Variants in UTRN observed in about 807,000 individuals in gnomAD.
The protein encoded by UTRN is dystrophin-related protein 1.
Under a neutral mutation model 463.9 loss-of-function variants are expected in UTRN, and 283 were observed. The observed-to-expected ratio is 0.61, with a 90% CI of 0.55 to 0.67. The LOEUF (loss-of-function observed/expected upper bound fraction) is 0.67. Ranked by LOEUF, UTRN falls within the 30% of genes least tolerant of loss-of-function variation. UTRN has a pLI of 0.00. For missense variants in UTRN, 3,922 were observed against 4,084.3 expected, an observed-to-expected ratio of 0.96 and a Z score of 1.08; for synonymous variants, 1,442 against 1,431.5, an observed-to-expected ratio of 1.01 and a Z score of -0.17.
At position 144,711,046 on chromosome 6, in the gene UTRN, T is replaced by G. The variant is rs184380052; in HGVS notation, c.7809+10803T>G. Among the ~76,000 whole-genome samples the G allele has an allele frequency of 5.6e-3, 852 of 152,284 alleles. 2 individuals are homozygous for G. The highest frequency in any genetic ancestry group is 0.033 in the South Asian group (160 of 4,822). ...TAAAATAAATGGATAGGCTAGGCAC[T>G]GTGGCTCATACCTGTAATCCCAGCA... On this transcript the variant is annotated intron_variant, in intron 53 of 74. Coordinates refer to ENST00000367545, the MANE Select transcript of UTRN (RefSeq NM_007124.3).
chr6:144,334,510 C>T (rs936233299), intron 2 of UTRN, among the ~76,000 whole-genome samples: 3 of 151,916 alleles, frequency 2.0e-5, no homozygotes, highest in Non-Finnish European at 2.9e-5. Flanking sequence ...GGTTTGTGCC[C>T]GAGTTTGGGG....
chr6:144,308,025 G>A (rs73586913), intron 2 of UTRN, among the ~76,000 whole-genome samples: 9,298 of 151,770 alleles, frequency 0.061, 933 homozygotes, highest in African/African-American at 0.21. Flanking sequence ...TCCTCATTCC[G>A]CATTCAGACC....
At chr6:144,372,141 A>G (rs1780044599) in intron 2 of UTRN, among the ~76,000 whole-genome samples, 2 of 152,266 alleles carry the variant, frequency 1.3e-5, no homozygotes, top group Non-Finnish European at 2.9e-5. Flanking sequence ...GCAAAGCACC[A>G]GTAATACTGT....
chr6:144,632,426 G>A (rs1776625045), intron 51 of UTRN, among the ~76,000 whole-genome samples: 1 of 152,162 alleles, frequency 6.6e-6, no homozygotes. Context: ...GAAACTTACA[G>A]ACAGATTGAG....
At chr6:144,352,994 G>A (rs1778239074) in intron 2 of UTRN, among the ~76,000 whole-genome samples, 1 of 151,962 alleles carries the variant, frequency 6.6e-6, no homozygotes, top group African/African-American at 2.4e-5. Context: ...CCAAGCTAGA[G>A]TGTAATGGCA....
rs1354479994 is a variant in UTRN, at chr6:144,487,549, C to T, written c.3824C>T (p.Ser1275Phe). 33 of 1,592,954 alleles carry T rather than the reference C, an allele frequency of 2.1e-5. No homozygotes were observed. The highest frequency in any genetic ancestry group is 2.8e-5 in the Non-Finnish European group (33 of 1,167,992). ...KTDAVNEALE[S>F]LESVLRHPAD... ...TTTTTTTTCCCATCTCCATTCCAGTCTCTGGAATCTGTTCTGCGCCACCCG... is the reference window on the plus strand; with the variant it reads ...TTTTTTTTCCCATCTCCATTCCAGTTTCTGGAATCTGTTCTGCGCCACCCG... Residue 1275 changes from serine to phenylalanine, a missense_variant and splice_region_variant, in exon 29 of 75, where the codon TCT becomes TTT. Physicochemically the swap from Ser to Phe is radical, Grantham distance 155. Transcript: ENST00000367545.
chr6:144,364,348 C>T (rs1157974567), intron 2 of UTRN, among the ~76,000 whole-genome samples: 1 of 152,120 alleles, frequency 6.6e-6, no homozygotes, highest in African/African-American at 2.4e-5. Context: ...CACTGTCTCC[C>T]TTATGTTTCC....
chr6:144,707,669 G>C (rs1785228339), intron 53 of UTRN, among the ~76,000 whole-genome samples: 1 of 152,214 alleles, frequency 6.6e-6, no homozygotes, highest in African/African-American at 2.4e-5. Flanking sequence ...CACCTGATGG[G>C]CTTGTTAAGC....
Position 144,573,521 on chromosome 6 carries a change from C to T in UTRN, c.7290-3578C>T, listed in dbSNP as rs529754725. Among the ~76,000 whole-genome samples, 3 of 152,098 alleles carry T rather than the reference C, an allele frequency of 2.0e-5. No individual in the cohort carries two copies. In the South Asian group the frequency reaches 6.2e-4, roughly 32 times the overall value. ...CCAGCCTAGTCAACATGGTGAAATC[C>T]TGTCTCTATTAAAAAAATACAAAAA... On this transcript the variant is annotated intron_variant, in intron 50 of 74. Transcript: ENST00000367545.
intron 1 of UTRN, among the ~76,000 whole-genome samples, chr6:144,290,491 T>A (rs767295859): frequency 9.2e-5 from 14 of 152,126 alleles, no homozygotes; most frequent in Non-Finnish European, 1.5e-4. Flanking sequence ...ATTGTGTAGA[T>A]GATGTGGTGA....
At position 144,781,925 on chromosome 6, in the gene UTRN, A is replaced by T; in HGVS notation, c.8636A>T (p.Asp2879Val). 1 of 1,613,228 alleles carries T rather than the reference A, an allele frequency of 6.2e-7. No homozygotes were observed. Among genetic ancestry groups the T allele is most frequent in the Admixed American group, 1.7e-5 (1 of 59,974 alleles). The change falls in exon 61 of 75, where the codon GAT becomes GTT. Residue 2879 changes from aspartate (D) to valine (V), a missense_variant. Around this residue, in one of 3 missense-constraint regions of UTRN, gnomAD observed 1,309 missense variants for 1,452.6 expected, o/e 0.90. Transcript: ENST00000367545. ...IRRLQKALCL[D>V]LLELSTTNEI... Reference sequence around the variant, plus strand: ...TTCCTTCTTCTCTCCTGGTTAGTGGATCTCTTAGAGTTGAGTACAACAAAT... The same window carrying T: ...TTCCTTCTTCTCTCCTGGTTAGTGGTTCTCTTAGAGTTGAGTACAACAAAT...
intron 51 of UTRN, among the ~76,000 whole-genome samples, chr6:144,580,498 C>T (rs923590450): frequency 6.6e-6 from 1 of 152,096 alleles, no homozygotes; most frequent in African/African-American, 2.4e-5. Context: ...AGATGATTAA[C>T]TTTTGGGAGT....
chr6:144,434,565 C>T (rs1786348515), intron 9 of UTRN, among the ~76,000 whole-genome samples: 1 of 152,078 alleles, frequency 6.6e-6, no homozygotes, highest in Admixed American at 6.5e-5. Context: ...GTTTAATATG[C>T]CTAGGAGGCG....
intron 16 of UTRN, among the ~76,000 whole-genome samples, chr6:144,447,998 A>T (rs1036339836): frequency 1.3e-5 from 2 of 152,202 alleles, no homozygotes; most frequent in Non-Finnish European, 2.9e-5. Flanking sequence ...GATTATACTT[A>T]GCCAATAAAT....
At chr6:144,492,031 A>G (rs929097314) in intron 32 of UTRN, among the ~76,000 whole-genome samples, 2 of 152,006 alleles carry the variant, frequency 1.3e-5, no homozygotes, top group Non-Finnish European at 2.9e-5. Context: ...TTAATTTTTG[A>G]AGACTTTTAG....
rs60974005 is a variant in UTRN at position 144,681,888 on chromosome 6, C to T, written c.7652+3310C>T. 3.0e-3 allele frequency among the ~76,000 whole-genome samples: 456 copies of T among 151,980 alleles called. 1 individual carries two copies. The highest frequency in any genetic ancestry group is 0.01 in the African/African-American group (424 of 41,440). ...TAGGTGTATATATTTATGGAGTACA[C>T]GAGATATTTTGGTACAGGCATGCAT... On this transcript the variant is annotated intron_variant, in intron 52 of 74. Transcript: ENST00000367545.
At chr6:144,629,480 A>G (rs1172764026) in intron 51 of UTRN, among the ~76,000 whole-genome samples, 1 of 152,238 alleles carries the variant, frequency 6.6e-6, no homozygotes, top group African/African-American at 2.4e-5. Flanking sequence ...ATTCCAAGTT[A>G]TTGCTGATCC....
At chr6:144,772,980 T>C (rs1373575940) in intron 59 of UTRN, among the ~76,000 whole-genome samples, 1 of 142,744 alleles carries the variant, frequency 7.0e-6, no homozygotes, top group Admixed American at 7.0e-5. Flanking sequence ...TGTGTGAGTG[T>C]TTTTTTTTTT....
chr6:144,377,676 T>A (rs562438600), intron 2 of UTRN, among the ~76,000 whole-genome samples: 39 of 152,316 alleles, frequency 2.6e-4, no homozygotes, highest in Non-Finnish European at 3.7e-4. Context: ...TGTGTGTGGC[T>A]CTGCCTCAGA....
Sources: allele counts gnomAD v4.1 joint callset (sites outside exome capture counted in the v4.1 genomes callset), GRCh38; gene constraint gnomAD v4.1.1; regional missense constraint gnomAD v4.1.1; transcripts MANE v1.5; gene names NCBI Gene and HGNC (gene_info 2026-07-23, HGNC 2026-07-21).